AGMO: variants seen among roughly 807,000 people sequenced by gnomAD.
AGMO encodes the protein glyceryl-ether monooxygenase.
In AGMO, 75 loss-of-function variants were observed where a neutral mutation model predicts 60.2. The ratio of observed to expected loss-of-function variants is 1.25; its 90% CI spans 1.03 to 1.51. The LOEUF (loss-of-function observed/expected upper bound fraction) is 1.51, where lower values mean the gene tolerates loss of function less well. Among genes scored for constraint, AGMO ranks in the 40% most tolerant of loss-of-function variants. The pLI, the probability that AGMO is intolerant of heterozygous loss-of-function variation, is 0.00. For missense variants in AGMO, 763 were observed against 525.5 expected (o/e 1.45, Z -4.42); for synonymous variants, 261 against 177.1 (o/e 1.47, Z -3.76).
At chr7:15,237,232 G>T (rs1782450226) in intron 12 of AGMO, among the ~76,000 whole-genome samples, 1 of 152,154 alleles carries the variant, frequency 6.6e-6, no homozygotes, top group Non-Finnish European at 1.5e-5. Context: ...TGTGCGTGGA[G>T]AAATTGTGTT....
rs146559826 is a variant in AGMO at position 15,321,579 on chromosome 7, C to G, written c.1263+43935G>C. On this transcript the variant is annotated intron_variant, in intron 12 of 12. Transcript: ENST00000342526. ...AAAAGATACTCATCTCTACACTTAGCATTTGTAGATAAGACAATTTGCTTA... is the reference window on the plus strand; with the variant it reads ...AAAAGATACTCATCTCTACACTTAGGATTTGTAGATAAGACAATTTGCTTA... Among the ~76,000 whole-genome samples, 7 of 152,176 alleles carry G rather than the reference C, an allele frequency of 4.6e-5. No individual in the cohort carries two copies. In the East Asian group the frequency reaches 7.7e-4, roughly 17 times the overall value.
At chr7:15,491,557 T>G (rs1273243007) in intron 3 of AGMO, among the ~76,000 whole-genome samples, 2 of 152,220 alleles carry the variant, frequency 1.3e-5, no homozygotes, top group Non-Finnish European at 1.5e-5. Context: ...TTAACTCATT[T>G]AACTCACTTC....
the AGMO span, among the ~76,000 whole-genome samples, chr7:15,167,364 G>A: frequency 5.4e-4 from 82 of 151,916 alleles, no homozygotes; most frequent in East Asian, 5.2e-3. Context: ...AGCTTCTTTC[G>A]GACTTTATTT....
intron 12 of AGMO, among the ~76,000 whole-genome samples, chr7:15,351,402 C>T (rs962092645): frequency 3.9e-5 from 6 of 151,972 alleles, no homozygotes; most frequent in African/African-American, 1.5e-4. Context: ...GAAGCTAAAC[C>T]CCTATATTTA....
intron 2 of AGMO, among the ~76,000 whole-genome samples, chr7:15,552,236 T>C (rs1351811004): frequency 2.0e-5 from 3 of 152,112 alleles, no homozygotes; most frequent in African/African-American, 7.2e-5. Context: ...AACCTAGGCA[T>C]TACCATTCGG....
At chr7:15,501,857 G>A (rs1185743578) in intron 3 of AGMO, among the ~76,000 whole-genome samples, 1 of 151,652 alleles carries the variant, frequency 6.6e-6, no homozygotes, top group Non-Finnish European at 1.5e-5. Flanking sequence ...AAAATGAGCT[G>A]CAGAAAAAAA....
the AGMO span, among the ~76,000 whole-genome samples, chr7:15,190,275 A>C: frequency 2.0e-5 from 3 of 148,570 alleles, no homozygotes; most frequent in Non-Finnish European, 3.0e-5. Context: ...TTTGCTTTTT[A>C]ATATCAGAAG....
At chr7:15,492,360 A>G (rs1296468449) in intron 3 of AGMO, among the ~76,000 whole-genome samples, 1 of 26,028 alleles carries the variant, frequency 3.8e-5, no homozygotes, top group African/African-American at 7.9e-5. Flanking sequence ...CCCAATACGA[A>G]AAAAAAAAAA....
intron 5 of AGMO, among the ~76,000 whole-genome samples, chr7:15,398,273 A>AT (rs1048248016): frequency 9.3e-5 from 14 of 150,818 alleles, no homozygotes; most frequent in Admixed American, 2.0e-4. Context: ...TGAGTGCACT[A>AT]TTTTTTTTTA....
the AGMO span, among the ~76,000 whole-genome samples, chr7:15,153,967 C>T: frequency 6.6e-6 from 1 of 151,908 alleles, no homozygotes; most frequent in Non-Finnish European, 1.5e-5. Flanking sequence ...TGATTCTATC[C>T]ATCCATGAGG....
At chr7:15,553,176 T>G (rs1202073518) in intron 2 of AGMO, among the ~76,000 whole-genome samples, 25 of 136,568 alleles carry the variant, frequency 1.8e-4, no homozygotes, top group African/African-American at 3.1e-4. Context: ...TGTTGTGGGG[T>G]GGGCGGAGGG....
chr7:15,211,968 C>T (rs1367881612), intron 12 of AGMO, among the ~76,000 whole-genome samples: 2 of 151,878 alleles, frequency 1.3e-5, no homozygotes, highest in East Asian at 1.9e-4. Flanking sequence ...AGCGAATTGA[C>T]AGCAGAACTG....
At chr7:15,392,378 C>CT (rs1306310877) in intron 6 of AGMO, among the ~76,000 whole-genome samples, 2 of 151,994 alleles carry the variant, frequency 1.3e-5, no homozygotes, top group Non-Finnish European at 2.9e-5. Context: ...GCCCTATTTC[C>CT]TTGTATATAG....
chr7:15,181,659 TCTTTAA>T, the AGMO span, among the ~76,000 whole-genome samples: 15 of 152,304 alleles, frequency 9.8e-5, no homozygotes, highest in South Asian at 2.1e-4. Flanking sequence ...CATTATTCCT[TCTTTAA>T]CTTTAATATT....
Position 15,395,590 on chromosome 7 carries a change from A to G in AGMO, c.610-1411T>C, listed in dbSNP as rs923096518. ...CAGCTGATCCAGATTATGCTACGAA[A>G]TATTTTGGCAATGAAAAAACAAAGA... On this transcript the variant is annotated intron_variant, in intron 5 of 12. Coordinates refer to ENST00000342526, the MANE Select transcript of AGMO (RefSeq NM_001004320.2). 4.6e-5 allele frequency among the ~76,000 whole-genome samples: 7 copies of G among 152,208 alleles called. No individual in the cohort carries two copies. In the East Asian group the frequency reaches 1.3e-3, roughly 29 times the overall value.
chr7:15,310,002 C>G (rs1026345843), intron 12 of AGMO, among the ~76,000 whole-genome samples: 2 of 152,010 alleles, frequency 1.3e-5, no homozygotes, highest in Non-Finnish European at 2.9e-5. Context: ...AAAAATATAT[C>G]ATATTCTGTC....
rs57236152 is a variant in AGMO at position 15,212,247 on chromosome 7, T to TACACACACACAC, written c.1264-10900_1264-10889dup. On this transcript the variant is annotated intron_variant, in intron 12 of 12. Transcript: ENST00000342526. ...TATTTATTTAGTGTTAGGTGTGGAG[T>TACACACACACAC]ACACACACACACACACACACACACA... Among the ~76,000 whole-genome samples, 15 of 146,380 alleles carry TACACACACACAC rather than the reference T, an allele frequency of 1.0e-4. 1 individual carries two copies. In the East Asian group the frequency reaches 1.2e-3, roughly 12 times the overall value.
chr7:15,419,220 T>C (rs1426811367), intron 4 of AGMO, among the ~76,000 whole-genome samples: 1 of 151,878 alleles, frequency 6.6e-6, no homozygotes, highest in African/African-American at 2.4e-5. Flanking sequence ...TATGGTTCCA[T>C]GGTGAAAAAA....
chr7:15,546,232 CTTAT>C (rs1784780000), intron 2 of AGMO, among the ~76,000 whole-genome samples: 1 of 152,094 alleles, frequency 6.6e-6, no homozygotes, highest in Admixed American at 6.5e-5. Context: ...ACTAGACTGT[CTTAT>C]AACAGCATTA....
Sources: allele counts gnomAD v4.1 joint callset (sites outside exome capture counted in the v4.1 genomes callset), GRCh38; gene constraint gnomAD v4.1.1; transcripts MANE v1.5; gene names NCBI Gene and HGNC (gene_info 2026-07-23, HGNC 2026-07-21).